The following CRACD variants were observed in gnomAD, a reference collection of about 807,000 sequenced individuals.
CRACD encodes the protein capping protein-inhibiting regulator of actin dynamics.
In CRACD, 56 loss-of-function variants were observed where a neutral mutation model predicts 106.8. The observed-to-expected ratio is 0.52, with a 90% CI of 0.42 to 0.66. The LOEUF (loss-of-function observed/expected upper bound fraction) is 0.66, where lower values mean the gene tolerates loss of function less well. CRACD is among the 30% of genes least tolerant of loss of function. The probability of loss-of-function intolerance (pLI) is 0.00; values close to 1 mark genes in which losing one functional copy is unlikely to be tolerated. For missense variants in CRACD, 1,730 were observed against 1,623.2 expected (o/e 1.07, Z -1.13); for synonymous variants, 754 against 670.8 (o/e 1.12, Z -1.92).
chr4:56,159,468 G>A (rs189652604), intron 1 of CRACD, among the ~76,000 whole-genome samples: 13 of 152,204 alleles, frequency 8.5e-5, no homozygotes, highest in Admixed American at 6.5e-4. Context: ...GGCTAACACG[G>A]TGAAACCCCA....
intron 1 of CRACD, among the ~76,000 whole-genome samples, chr4:56,092,869 G>A (rs1733469773): frequency 2.0e-5 from 3 of 152,192 alleles, no homozygotes; most frequent in Admixed American, 2.0e-4. Flanking sequence ...CAGCAGGAGA[G>A]CAAAGTGTTG....
chr4:56,284,138 G>A (rs1743193849), intron 3 of CRACD, among the ~76,000 whole-genome samples: 1 of 151,914 alleles, frequency 6.6e-6, no homozygotes, highest in African/African-American at 2.4e-5. Flanking sequence ...TCACCCTACA[G>A]TAGTAATCAT....
Position 56,310,881 on chromosome 4 carries a change from A to T in CRACD, c.354+147A>T, listed in dbSNP as rs1745118896. 6.7e-6 allele frequency: 4 copies of T among 600,486 alleles called. No individual in the cohort carries two copies. In the East Asian group the frequency reaches 1.1e-4, roughly 17 times the overall value. 37.2% of individuals were successfully genotyped at this position (600,486 alleles called of 1,614,324 possible). On this transcript the variant is annotated intron_variant, in intron 6 of 10. Coordinates refer to ENST00000682029, the MANE Select transcript of CRACD (RefSeq NM_001393381.1). ...ATTTAAATTCCTTCAGAATGCCACT[A>T]GTGACAGATGTTGGAGCATCTGTTT...
Position 56,065,139 on chromosome 4 carries a change from G to T in CRACD, c.-336+15840G>T, listed in dbSNP as rs566456568. On this transcript the variant is annotated intron_variant, in intron 1 of 10. Coordinates refer to ENST00000682029, the MANE Select transcript of CRACD (RefSeq NM_001393381.1). ...GTCTTGCTCTGTCGCCCAGGCTGTA[G>T]TGCAATGACATGATCTCAGCTCACT... Among the ~76,000 whole-genome samples, 980 of 151,940 alleles carry T rather than the reference G, an allele frequency of 6.4e-3. 7 individuals carry two copies. Among genetic ancestry groups the T allele is most frequent in the African/African-American group, 0.023 (935 of 41,420 alleles).
chr4:56,202,277 G>T (rs777693975), intron 2 of CRACD, among the ~76,000 whole-genome samples: 2 of 151,678 alleles, frequency 1.3e-5, no homozygotes, highest in Non-Finnish European at 2.9e-5. Context: ...ACGGAGTCTC[G>T]CTCTGTCACC....
chr4:56,053,282 A>C (rs1229203920), intron 1 of CRACD, among the ~76,000 whole-genome samples: 1 of 152,184 alleles, frequency 6.6e-6, no homozygotes, highest in Admixed American at 6.5e-5. Flanking sequence ...TACTTTAAGA[A>C]ACCACCACCA....
intron 2 of CRACD, among the ~76,000 whole-genome samples, chr4:56,233,221 A>G (rs1300346310): frequency 6.6e-6 from 1 of 152,192 alleles, no homozygotes; most frequent in East Asian, 1.9e-4. Context: ...CTCCAAGTCT[A>G]TAACTTATAA....
At chr4:56,219,762 C>T (rs1738927944) in intron 2 of CRACD, among the ~76,000 whole-genome samples, 1 of 152,152 alleles carries the variant, frequency 6.6e-6, no homozygotes, top group Non-Finnish European at 1.5e-5. Flanking sequence ...AGCATTGGGT[C>T]ACTAGGTGAT....
chr4:56,255,612 G>GACCTGT (rs1359566315), intron 2 of CRACD, among the ~76,000 whole-genome samples: 1 of 152,156 alleles, frequency 6.6e-6, no homozygotes, highest in Non-Finnish European at 1.5e-5. Flanking sequence ...ATATTGGTAA[G>GACCTGT]ACCTGTACTG....
chr4:56,326,663 T>A (rs1363909913), intron 10 of CRACD, among the ~76,000 whole-genome samples: 3 of 151,776 alleles, frequency 2.0e-5, no homozygotes, highest in Non-Finnish European at 4.4e-5. Flanking sequence ...GAGACAAGGA[T>A]GAAAGTCATG....
At chr4:56,228,684 G>A (rs7678679) in intron 2 of CRACD, among the ~76,000 whole-genome samples, 6,083 of 148,980 alleles carry the variant, frequency 0.041, 412 homozygotes, top group African/African-American at 0.14. Flanking sequence ...TGTGGGTTGC[G>A]GAGAAATCGG....
At position 56,250,630 on chromosome 4, in the gene CRACD, A is replaced by G. The variant is rs568751214; in HGVS notation, c.-188-21691A>G. 3.3e-5 allele frequency among the ~76,000 whole-genome samples: 5 copies of G among 152,332 alleles called. No individual in the cohort carries two copies. The South Asian group carries it at 1.0e-3, about 32-fold the overall frequency. On this transcript the variant is annotated intron_variant, in intron 2 of 10. Transcript: ENST00000682029. ...GCAGCAAAATGGTTAAGAGCATGGT[A>G]CTTGGAATTAGACAGACTTGGTTTG...
chr4:56,125,029 C>G (rs1177557406), intron 1 of CRACD, among the ~76,000 whole-genome samples: 1 of 152,140 alleles, frequency 6.6e-6, no homozygotes. Flanking sequence ...TCTCCTTTAA[C>G]CAGAATATCA....
In CRACD at chr4:56,205,560, A is replaced by G. The variant is rs539667708; in HGVS notation, c.-189+26130A>G. Among the ~76,000 whole-genome samples, 4 of 151,950 alleles carry G rather than the reference A, an allele frequency of 2.6e-5. No individual in the cohort carries two copies. The East Asian group carries it at 5.8e-4, about 22-fold the overall frequency. Reference sequence around the variant, plus strand: ...TGTGTGTAAGTACAAACATGCATATATGTGTGTGTGTGTTGGGGAGAAGGC... The same window carrying G: ...TGTGTGTAAGTACAAACATGCATATGTGTGTGTGTGTGTTGGGGAGAAGGC... On this transcript the variant is annotated intron_variant, in intron 2 of 10. Coordinates refer to ENST00000682029, the MANE Select transcript of CRACD (RefSeq NM_001393381.1).
At position 56,151,406 on chromosome 4, in the gene CRACD, T is replaced by G. The variant is rs183110387; in HGVS notation, c.-335-27878T>G. Among the ~76,000 whole-genome samples, 5 of 152,286 alleles carry G rather than the reference T, an allele frequency of 3.3e-5. No individual in the cohort carries two copies. The East Asian group carries it at 7.7e-4, about 23-fold the overall frequency. ...TATTATAACGCATTGCCTTTTTTTT[T>G]TAACAGTCTCAAATTTACAGAAAAG... On this transcript the variant is annotated intron_variant, in intron 1 of 10. Coordinates refer to ENST00000682029, the MANE Select transcript of CRACD (RefSeq NM_001393381.1).
chr4:56,276,663 GT>G (rs1742691165), intron 3 of CRACD, among the ~76,000 whole-genome samples: 1 of 152,190 alleles, frequency 6.6e-6, no homozygotes, highest in Non-Finnish European at 1.5e-5. Context: ...GCAATAAAGA[GT>G]GCATTCTTAA....
chr4:56,176,904 T>C (rs545635401), intron 1 of CRACD, among the ~76,000 whole-genome samples: 2 of 152,244 alleles, frequency 1.3e-5, no homozygotes, highest in Non-Finnish European at 1.5e-5. Context: ...GATTTTTGTA[T>C]GTTAATTTTG....
intron 8 of CRACD, among the ~76,000 whole-genome samples, chr4:56,321,793 T>C (rs1746123498): frequency 6.6e-6 from 1 of 152,246 alleles, no homozygotes; most frequent in Non-Finnish European, 1.5e-5. Context: ...AACTGAATCG[T>C]TATTTGATGA....
intron 2 of CRACD, among the ~76,000 whole-genome samples, chr4:56,240,197 C>T (rs1740282987): frequency 6.6e-6 from 1 of 151,938 alleles, no homozygotes; most frequent in Non-Finnish European, 1.5e-5. Context: ...GGCATTATTT[C>T]CCACCTCAGG....
Sources: allele counts gnomAD v4.1 joint callset (sites outside exome capture counted in the v4.1 genomes callset), GRCh38; gene constraint gnomAD v4.1.1; transcripts MANE v1.5; gene names NCBI Gene and HGNC (gene_info 2026-07-23, HGNC 2026-07-21).